SPAG16: variants seen among roughly 807,000 people sequenced by gnomAD.
SPAG16 encodes the protein sperm associated antigen 16, also known as sperm-associated antigen 16 protein.
Under a neutral mutation model 80.4 loss-of-function variants are expected in SPAG16, and 86 were observed. That is an observed-to-expected ratio of 1.07 (90% CI 0.90 to 1.28). The LOEUF is 1.28. Ranked by LOEUF, SPAG16 falls within the 50% of genes most tolerant of loss-of-function variation. The pLI is 0.00. For missense variants in SPAG16, 870 were observed against 765.3 expected (o/e 1.14, Z -1.61); for synonymous variants, 294 against 265.9 (o/e 1.11, Z -1.03).
At chr2:213,825,902 GGA>G (rs959224060) in intron 10 of SPAG16, among the ~76,000 whole-genome samples, 1 of 151,518 alleles carries the variant, frequency 6.6e-6, no homozygotes, top group Non-Finnish European at 1.5e-5. Context: ...TTCTTTGCTG[GGA>G]GAGTTTTTAT....
intron 13 of SPAG16, among the ~76,000 whole-genome samples, chr2:214,107,701 T>A: frequency 6.6e-6 from 1 of 152,200 alleles, no homozygotes; most frequent in East Asian, 1.9e-4. Flanking sequence ...TGCCACTGTA[T>A]ATATTTTATA....
intron 13 of SPAG16, among the ~76,000 whole-genome samples, chr2:214,059,220 G>GTA (rs1275941428): frequency 5.4e-5 from 4 of 73,808 alleles, no homozygotes; most frequent in African/African-American, 1.5e-4. Context: ...ATATATGTAT[G>GTA]TGTATATATA....
chr2:214,325,002 T>G (rs1290447496), intron 15 of SPAG16, among the ~76,000 whole-genome samples: 2 of 152,180 alleles, frequency 1.3e-5, no homozygotes, highest in Non-Finnish European at 2.9e-5. Context: ...ATACCAAAAA[T>G]AGTAGAAAAC....
chr2:213,997,006 TC>T (rs1404005156), intron 12 of SPAG16, among the ~76,000 whole-genome samples: 1 of 152,190 alleles, frequency 6.6e-6, no homozygotes, highest in African/African-American at 2.4e-5. Context: ...AGGGACAACA[TC>T]CTTTGGGTAA....
At chr2:214,097,859 C>T (rs139470904) in intron 13 of SPAG16, among the ~76,000 whole-genome samples, 113 of 152,030 alleles carry the variant, frequency 7.4e-4, no homozygotes, top group African/African-American at 2.6e-3. Context: ...TGCTTTGTCA[C>T]GGGCAGCAAT....
At chr2:213,375,188 A>G in intron 9 of SPAG16, 69 bp downstream of exon 9, 1 of 1,102,450 alleles carries the variant, frequency 9.1e-7, no homozygotes, top group Non-Finnish European at 1.3e-6. Flanking sequence ...ATTCACTCAT[A>G]TGGTATCATT....
intron 10 of SPAG16, among the ~76,000 whole-genome samples, chr2:213,577,053 CT>C (rs2060152189): frequency 6.6e-6 from 1 of 152,060 alleles, no homozygotes; most frequent in Non-Finnish European, 1.5e-5. Context: ...ACTTGTACCC[CT>C]GACCTTAAAA....
intron 10 of SPAG16, among the ~76,000 whole-genome samples, chr2:213,500,006 C>T (rs571015599): frequency 6.6e-6 from 1 of 152,226 alleles, no homozygotes; most frequent in East Asian, 1.9e-4. Flanking sequence ...TTTTGACAGC[C>T]AGTTAACCTT....
intron 6 of SPAG16, among the ~76,000 whole-genome samples, chr2:213,340,822 C>T (rs1330741543): frequency 1.3e-5 from 2 of 151,908 alleles, no homozygotes; most frequent in African/African-American, 2.4e-5. Context: ...CCTTCTTTAC[C>T]TTCCTCCCCT....
At chr2:214,136,264 G>A (rs1352905864) in intron 14 of SPAG16, among the ~76,000 whole-genome samples, 1 of 152,014 alleles carries the variant, frequency 6.6e-6, no homozygotes, top group Non-Finnish European at 1.5e-5. Context: ...AGACTTAGTG[G>A]GGCCACACTA....
intron 11 of SPAG16, among the ~76,000 whole-genome samples, chr2:213,908,048 G>A (rs895721327): frequency 1.1e-4 from 16 of 152,244 alleles, no homozygotes; most frequent in Admixed American, 3.3e-4. Context: ...AATGCTTGAC[G>A]TGGTGAATAT....
intron 10 of SPAG16, among the ~76,000 whole-genome samples, chr2:213,660,989 C>G (rs1049342255): frequency 6.6e-6 from 1 of 152,122 alleles, no homozygotes; most frequent in African/African-American, 2.4e-5. Context: ...ACTTTATGCA[C>G]TCTTAACTTG....
intron 10 of SPAG16, among the ~76,000 whole-genome samples, chr2:213,854,656 G>T (rs772020749): frequency 2.0e-5 from 3 of 152,190 alleles, no homozygotes; most frequent in African/African-American, 7.2e-5. Context: ...ATAAGCTTAT[G>T]TGATCAATCC....
intron 12 of SPAG16, among the ~76,000 whole-genome samples, chr2:213,936,265 A>G (rs148000375): frequency 6.6e-6 from 1 of 152,192 alleles, no homozygotes; most frequent in Non-Finnish European, 1.5e-5. Context: ...AGAGAATGGT[A>G]GGGGTAAGGT....
intron 9 of SPAG16, among the ~76,000 whole-genome samples, chr2:213,382,098 C>T (rs2067204123): frequency 6.6e-6 from 1 of 151,946 alleles, no homozygotes; most frequent in Non-Finnish European, 1.5e-5. Flanking sequence ...GAGTATCTCA[C>T]AAAGCCGTAG....
intron 10 of SPAG16, among the ~76,000 whole-genome samples, chr2:213,637,846 T>A (rs2062428627): frequency 6.6e-6 from 1 of 152,164 alleles, no homozygotes; most frequent in Non-Finnish European, 1.5e-5. Context: ...AAGCTCTGAC[T>A]CCCGGGTTCA....
chr2:213,908,281 C>A (rs2077511190), intron 11 of SPAG16, among the ~76,000 whole-genome samples: 1 of 152,182 alleles, frequency 6.6e-6, no homozygotes. Context: ...AGACCTTAGT[C>A]TGGAGGTTCA....
Position 214,280,239 on chromosome 2 carries a change from G to C in SPAG16, c.1721-129901G>C, listed in dbSNP as rs184237138. On this transcript the variant is annotated intron_variant, in intron 15 of 15. Coordinates refer to ENST00000331683, the MANE Select transcript of SPAG16 (RefSeq NM_024532.5). ...TGCAGAAAAAAATAAAGAAGACATA[G>C]AGAGCTATACTTGTTCATCAACAGA... is the stretch of plus-strand genomic sequence containing the variant. Among the ~76,000 whole-genome samples, 45 of 152,260 alleles carry C rather than the reference G, an allele frequency of 3.0e-4. No homozygotes were observed. The South Asian group carries it at 5.0e-3, about 17-fold the overall frequency.
chr2:213,883,880 A>G (rs2076449798), intron 11 of SPAG16, among the ~76,000 whole-genome samples: 2 of 152,076 alleles, frequency 1.3e-5, no homozygotes, highest in African/African-American at 4.8e-5. Context: ...TTCTCTGTCC[A>G]TTTACTTTGA....
Sources: allele counts gnomAD v4.1 joint callset (sites outside exome capture counted in the v4.1 genomes callset), GRCh38; gene constraint gnomAD v4.1.1; transcripts MANE v1.5; gene names NCBI Gene and HGNC (gene_info 2026-07-23, HGNC 2026-07-21).